Variants in HTR4 observed in about 807,000 individuals in gnomAD.
The protein encoded by HTR4 is 5-hydroxytryptamine receptor 4, also known as 5-hydroxytryptamine (serotonin) receptor 4, G protein-coupled.
In HTR4, 16 loss-of-function variants were observed where a neutral mutation model predicts 36.8. The ratio of observed to expected loss-of-function variants is 0.43; its 90% CI spans 0.29 to 0.66. The LOEUF (loss-of-function observed/expected upper bound fraction) is 0.66, where lower values mean the gene tolerates loss of function less well. HTR4 is among the 30% of genes least tolerant of loss of function. The probability of loss-of-function intolerance (pLI) is 0.13; values close to 1 mark genes in which losing one functional copy is unlikely to be tolerated. For missense variants in HTR4, 438 were observed against 490.9 expected (o/e 0.89, Z 1.02); for synonymous variants, 189 against 185.1 (o/e 1.02, Z -0.17).
At chr5:148,571,231 T>C (rs1318531777) in intron 2 of HTR4, among the ~76,000 whole-genome samples, 2 of 152,120 alleles carry the variant, frequency 1.3e-5, no homozygotes, top group Non-Finnish European at 1.5e-5. Context: ...TTCCATACAC[T>C]GAATAAAGGG....
chr5:148,594,078 G>C (rs527493429), intron 2 of HTR4, among the ~76,000 whole-genome samples: 1 of 152,138 alleles, frequency 6.6e-6, no homozygotes, highest in African/African-American at 2.4e-5. Flanking sequence ...ATTGTAGTCA[G>C]CAACAATATT....
intron 6 of HTR4, among the ~76,000 whole-genome samples, chr5:148,486,050 G>T (rs1329681351): frequency 6.6e-6 from 1 of 152,116 alleles, no homozygotes; most frequent in Non-Finnish European, 1.5e-5. Flanking sequence ...CTAATGCCAG[G>T]TTACATCAAT....
intron 2 of HTR4, among the ~76,000 whole-genome samples, chr5:148,589,173 G>A (rs1435358302): frequency 6.6e-6 from 1 of 152,102 alleles, no homozygotes; most frequent in Non-Finnish European, 1.5e-5. Context: ...GCACAAGTTC[G>A]AGTTTTTCTA....
At chr5:148,465,985 G>C in intron 5 of HTR4, 1 of 1,561,218 alleles carries the variant, frequency 6.4e-7, no homozygotes, top group Non-Finnish European at 8.6e-7. Flanking sequence ...ATTTGGGAAA[G>C]AAAAAAGAAA....
intron 6 of HTR4, among the ~76,000 whole-genome samples, chr5:148,500,562 C>A (rs967118973): frequency 6.6e-6 from 1 of 151,368 alleles, no homozygotes; most frequent in Non-Finnish European, 1.5e-5. Flanking sequence ...AAAAGTTAAC[C>A]AAAGTTAAAA....
chr5:148,471,666 G>A (rs1180173070), downstream of HTR4, among the ~76,000 whole-genome samples: 1 of 152,126 alleles, frequency 6.6e-6, no homozygotes, highest in Non-Finnish European at 1.5e-5. Flanking sequence ...AGAACCTAGT[G>A]ACTTTATTAT....
intron 5 of HTR4, among the ~76,000 whole-genome samples, chr5:148,518,241 C>T (rs1757852578): frequency 6.6e-6 from 1 of 152,036 alleles, no homozygotes; most frequent in Non-Finnish European, 1.5e-5. Context: ...TTTTTAATCT[C>T]CTCTACTTAT....
chr5:148,633,985 A>G (rs1036533444), intron 2 of HTR4, among the ~76,000 whole-genome samples: 1 of 152,182 alleles, frequency 6.6e-6, no homozygotes, highest in Non-Finnish European at 1.5e-5. Context: ...AAGGATGCTG[A>G]CAGACACATT....
chr5:148,537,097 T>C (rs981598292), intron 4 of HTR4, among the ~76,000 whole-genome samples: 1 of 152,132 alleles, frequency 6.6e-6, no homozygotes, highest in Non-Finnish European at 1.5e-5. Context: ...CTCAAAGTCA[T>C]GCAATTACAT....
At chr5:148,564,743 A>T (rs1048991631) in intron 2 of HTR4, among the ~76,000 whole-genome samples, 2 of 152,156 alleles carry the variant, frequency 1.3e-5, no homozygotes, top group African/African-American at 4.8e-5. Context: ...CCTTTCCCAC[A>T]TTGTACTCTT....
At chr5:148,455,841 A>G (rs1245186679) in intron 5 of HTR4, among the ~76,000 whole-genome samples, 1 of 152,118 alleles carries the variant, frequency 6.6e-6, no homozygotes, top group Non-Finnish European at 1.5e-5. Context: ...TAAATAAGAG[A>G]GCATATATTT....
At chr5:148,639,845 T>C (rs1240591970) in intron 1 of HTR4, among the ~76,000 whole-genome samples, 1 of 151,560 alleles carries the variant, frequency 6.6e-6, no homozygotes, top group African/African-American at 2.4e-5. Context: ...GGCTTAGGAG[T>C]TTTTGACTTT....
chr5:148,621,281 CAG>C (rs1752909914), intron 2 of HTR4, among the ~76,000 whole-genome samples: 1 of 152,182 alleles, frequency 6.6e-6, no homozygotes, highest in South Asian at 2.1e-4. Context: ...CCACGCATGA[CAG>C]AGAGTCAAAA....
chr5:148,458,593 C>T (rs542564263), intron 5 of HTR4, among the ~76,000 whole-genome samples: 4 of 152,042 alleles, frequency 2.6e-5, no homozygotes, highest in Admixed American at 6.6e-5. Context: ...ACTGAGGAAG[C>T]GACAGGAGAT....
chr5:148,451,323 G>A, intron 5 of HTR4: 1 of 1,611,446 alleles, frequency 6.2e-7, no homozygotes. Flanking sequence ...TGCTCCAACT[G>A]CACCGAAGTC....
At chr5:148,527,675 T>A (rs770937572) in intron 4 of HTR4, among the ~76,000 whole-genome samples, 5 of 136,086 alleles carry the variant, frequency 3.7e-5, no homozygotes, top group Non-Finnish European at 6.8e-5. Flanking sequence ...GAGGTGCTTA[T>A]GTGATCTTGG....
At chr5:148,607,519 T>G (rs566919823) in intron 2 of HTR4, among the ~76,000 whole-genome samples, 127 of 152,282 alleles carry the variant, frequency 8.3e-4, no homozygotes, top group African/African-American at 2.8e-3. Context: ...TTCCACTTTC[T>G]TTTCCTAAGA....
chr5:148,538,159 A>C (rs900289588), intron 4 of HTR4, among the ~76,000 whole-genome samples: 3 of 152,164 alleles, frequency 2.0e-5, no homozygotes, highest in African/African-American at 7.2e-5. Context: ...AAGCAGAAAA[A>C]GGCTTTCAAT....
chr5:148,548,108 G>T (rs1031618963), intron 4 of HTR4, among the ~76,000 whole-genome samples: 6 of 152,082 alleles, frequency 3.9e-5, no homozygotes, highest in Admixed American at 1.3e-4. Context: ...ATAAAATTAT[G>T]CCACAAGAAT....
Sources: gnomAD v4.1 joint callset for allele counts (sites outside exome capture counted in the v4.1 genomes callset) on GRCh38, gnomAD v4.1.1 for gene constraint, MANE v1.5 for transcripts, NCBI Gene and HGNC (gene_info 2026-07-23, HGNC 2026-07-21) for gene names.